FAM222B: variants seen among roughly 807,000 people sequenced by gnomAD.
FAM222B encodes family with sequence similarity 222 member B, also known as protein FAM222B.
In FAM222B, 12 loss-of-function variants were observed where a neutral mutation model predicts 38.0. The ratio of observed to expected loss-of-function variants is 0.32; its 90% CI spans 0.20 to 0.51. The LOEUF is 0.51. FAM222B is among the 20% of genes least tolerant of loss of function. The probability of loss-of-function intolerance (pLI) is 0.97; values close to 1 mark genes in which losing one functional copy is unlikely to be tolerated. For missense variants in FAM222B, 716 were observed against 754.2 expected (o/e 0.95, Z 0.59); for synonymous variants, 329 against 317.2 (o/e 1.04, Z -0.40).
chr17:28,841,533 C>T (rs558813424), intron 1 of FAM222B, among the ~76,000 whole-genome samples: 93 of 152,186 alleles, frequency 6.1e-4, no homozygotes, highest in Middle Eastern at 3.4e-3. Flanking sequence ...CGCCACCACA[C>T]CCGGCTGATT....
rs561463978 is a variant in FAM222B, at chr17:28,830,823, TA to T, written c.-41+11858del. On this transcript the variant is annotated intron_variant, in intron 1 of 2. Coordinates refer to ENST00000581407, the MANE Select transcript of FAM222B (RefSeq NM_001077498.3). ...CAACATGGCAAAACCCCATCTCTAT[TA>T]AAAAAAAAATAAAATAAAATAAAGT... Among the ~76,000 whole-genome samples, 1,388 of 147,280 alleles carry T rather than the reference TA, an allele frequency of 9.4e-3. 26 individuals carry two copies. The highest frequency in any genetic ancestry group is 0.033 in the African/African-American group (1,321 of 40,236).
intron 1 of FAM222B, 76 bp from the exon 2 acceptor site, chr17:28,766,783 C>G (rs2035350453): frequency 1.2e-6 from 1 of 817,084 alleles, no homozygotes; most frequent in African/African-American, 1.7e-5. Context: ...CTGGATATGA[C>G]TGGCGTGAGG....
At chr17:28,854,392 CT>C (rs578226254) in intron 1 of FAM222B, among the ~76,000 whole-genome samples, 140 of 152,336 alleles carry the variant, frequency 9.2e-4, no homozygotes, top group African/African-American at 3.3e-3. Flanking sequence ...TGCAAACCCT[CT>C]GGTTGTTCTC....
intron 1 of FAM222B, among the ~76,000 whole-genome samples, chr17:28,820,690 G>A (rs1444963922): frequency 6.6e-6 from 1 of 150,510 alleles, no homozygotes; most frequent in Non-Finnish European, 1.5e-5. Context: ...CTGGAGTGCA[G>A]TGGCAAGATC....
At chr17:28,847,327 G>T (rs2039151908), upstream of FAM222B, among the ~76,000 whole-genome samples, 1 of 152,036 alleles carries the variant, frequency 6.6e-6, no homozygotes, top group Non-Finnish European at 1.5e-5. Flanking sequence ...GTGCGTGGTG[G>T]TTCATGCCTA....
chr17:28,792,428 C>T (rs1350588484), intron 1 of FAM222B, among the ~76,000 whole-genome samples: 1 of 151,934 alleles, frequency 6.6e-6, no homozygotes, highest in Non-Finnish European at 1.5e-5. Flanking sequence ...TTCAGTGAGC[C>T]GTCATCGTGC....
chr17:28,768,591 C>A (rs934123930), intron 1 of FAM222B, among the ~76,000 whole-genome samples: 3 of 151,820 alleles, frequency 2.0e-5, no homozygotes, highest in Non-Finnish European at 4.4e-5. Flanking sequence ...AATCCCAGCA[C>A]TTTGGGAGGC....
chr17:28,764,547 G>A (rs1279052422), intron 2 of FAM222B, among the ~76,000 whole-genome samples: 2 of 152,092 alleles, frequency 1.3e-5, no homozygotes, highest in Non-Finnish European at 2.9e-5. Flanking sequence ...TCGGGAGTTC[G>A]AGACCAGCCT....
chr17:28,829,325 C>T (rs1384843915), intron 1 of FAM222B, among the ~76,000 whole-genome samples: 3 of 152,212 alleles, frequency 2.0e-5, no homozygotes, highest in Admixed American at 2.0e-4. Context: ...AGCTGCGCCA[C>T]CACGCCCAGC....
chr17:28,768,837 A>C (rs946339146), intron 1 of FAM222B, among the ~76,000 whole-genome samples: 3 of 29,982 alleles, frequency 1.0e-4, no homozygotes, highest in Non-Finnish European at 1.5e-4. Context: ...ACTCTGTCTC[A>C]AAAAAAAAAA....
chr17:28,816,686 A>G (rs1201143346), intron 1 of FAM222B, among the ~76,000 whole-genome samples: 8 of 152,224 alleles, frequency 5.3e-5, no homozygotes, highest in Non-Finnish European at 5.9e-5. Flanking sequence ...AACAGTCTTA[A>G]AAAGACAATT....
chr17:28,799,383 T>C lies in FAM222B; in HGVS notation c.-40-32676A>G, dbSNP rs192832382. ...TGCGATCTCAACTCACTGCAACCTCTGCCTCTCGGGTTCAAGCGATTCTCC... is the reference window on the plus strand; with the variant it reads ...TGCGATCTCAACTCACTGCAACCTCCGCCTCTCGGGTTCAAGCGATTCTCC... On this transcript the variant is annotated intron_variant, in intron 1 of 2. Transcript: ENST00000581407. 2.8e-3 allele frequency among the ~76,000 whole-genome samples: 402 copies of C among 142,484 alleles called. 1 individual carries two copies. The Middle Eastern group carries it at 0.039, about 14-fold the overall frequency. 93.5% of individuals were successfully genotyped at this position (142,484 alleles called of 152,430 possible).
At chr17:28,787,949 C>A (rs1013614022) in intron 1 of FAM222B, among the ~76,000 whole-genome samples, 9 of 151,676 alleles carry the variant, frequency 5.9e-5, no homozygotes, top group African/African-American at 2.2e-4. Context: ...CTCAGCCTCC[C>A]GAGTGGCTAG....
intron 1 of FAM222B, among the ~76,000 whole-genome samples, chr17:28,850,093 A>G (rs1598070547): frequency 6.6e-6 from 1 of 151,190 alleles, no homozygotes. Flanking sequence ...TCAAAAAAAA[A>G]TTCCCCCTCC....
At chr17:28,807,595 A>G (rs1451412651) in intron 1 of FAM222B, among the ~76,000 whole-genome samples, 3 of 152,190 alleles carry the variant, frequency 2.0e-5, no homozygotes, top group Admixed American at 6.5e-5. Context: ...CATGTTGGTC[A>G]GGCTGGTCTT....
chr17:28,759,240 G>T lies in FAM222B; in HGVS notation c.719C>A (p.Pro240Gln), dbSNP rs750816225. 1.1e-5 allele frequency: 17 copies of T among 1,613,288 alleles called. No individual in the cohort carries two copies. In the African/African-American group the frequency reaches 1.7e-4, roughly 16 times the overall value. ...AGTTGAGGTAGACACGGTCACATTC[G>T]GGGGGGCATCTGAGTCTGGCATCTT... ...GRKMPDSDAP[P>Q]NVTVSTSTIP... The change falls in exon 3 of 3, where the codon CCG (proline) becomes CAG (glutamine). Residue 240 changes from proline (P) to glutamine (Q), a missense_variant. By Grantham distance (76) the Pro-to-Gln change is moderately conservative. Coordinates refer to ENST00000581407, the MANE Select transcript of FAM222B (RefSeq NM_001077498.3). This position sits in a 1 kb window ranked among gnomAD's most constrained non-coding sequence, Gnocchi z 4.8.
At chr17:28,830,377 G>C (rs1205175147) in intron 1 of FAM222B, among the ~76,000 whole-genome samples, 1 of 151,544 alleles carries the variant, frequency 6.6e-6, no homozygotes, top group Non-Finnish European at 1.5e-5. Flanking sequence ...AGCCGGGATG[G>C]TCTTGATCTC....
rs1303381278 is a variant in FAM222B, at chr17:28,766,644, T to C, written c.24A>G (p.Pro8=). Residue 8 remains proline, a synonymous_variant, in exon 2 of 3, where the codon CCA becomes CCG. Transcript: ENST00000581407. The stretch of plus-strand genomic sequence containing the variant: ...AAAGAAGCTGAAAGGACAGGTCACC[T>C]GGCCCTGGTAGACAGGCTAGCATGG... MLACLPG[P]GDLSFQLLSH... The C allele has an allele frequency of 5.0e-6, 8 of 1,606,056 alleles. No homozygotes were observed. In the Admixed American group the frequency reaches 6.8e-5, roughly 14 times the overall value.
intron 1 of FAM222B, among the ~76,000 whole-genome samples, chr17:28,813,039 GGGA>G (rs2037865557): frequency 5.9e-5 from 4 of 68,176 alleles, no homozygotes; most frequent in Admixed American, 1.5e-4. Context: ...GGGGGGGGGG[GGGA>G]GGGGGGGGCG....
Sources: allele counts gnomAD v4.1 joint callset (sites outside exome capture counted in the v4.1 genomes callset), GRCh38; gene constraint gnomAD v4.1.1; non-coding constraint Gnocchi (gnomAD v3.1); transcripts MANE v1.5; gene names NCBI Gene and HGNC (gene_info 2026-07-23, HGNC 2026-07-21).